RALYL: variants seen among roughly 807,000 people sequenced by gnomAD.
The protein encoded by RALYL is RNA-binding Raly-like protein.
Under a neutral mutation model 35.1 loss-of-function variants are expected in RALYL, and 29 were observed. The ratio of observed to expected loss-of-function variants is 0.83; its 90% confidence interval spans 0.61 to 1.13. RALYL has a LOEUF of 1.13. RALYL is among the 50% of genes most tolerant of loss of function. The pLI is 0.00. For synonymous variants in RALYL, 120 were observed against 127.6 expected (o/e 0.94, Z 0.40); for missense variants, 359 against 360.4 (o/e 1.00, Z 0.03).
At chr8:84,326,523 G>A (rs1345982257) in intron 1 of RALYL, among the ~76,000 whole-genome samples, 1 of 152,118 alleles carries the variant, frequency 6.6e-6, no homozygotes, top group South Asian at 2.1e-4. Flanking sequence ...CTTAGTTGAT[G>A]CCTCAAACAT....
intron 4 of RALYL, among the ~76,000 whole-genome samples, chr8:84,848,861 C>T (rs1835229787): frequency 6.6e-6 from 1 of 152,058 alleles, no homozygotes; most frequent in Non-Finnish European, 1.5e-5. Context: ...AATTACTCCC[C>T]TGTGGTACAG....
At chr8:84,296,623 ATTTTTTTT>A (rs397891420) in intron 1 of RALYL, among the ~76,000 whole-genome samples, 154 of 76,676 alleles carry the variant, frequency 2.0e-3, no homozygotes, top group African/African-American at 5.7e-3. Flanking sequence ...TCTCTCTTGC[ATTTTTTTT>A]TTTTTTTTTT....
intron 1 of RALYL, among the ~76,000 whole-genome samples, chr8:84,497,805 C>T (rs190460457): frequency 4.2e-4 from 63 of 151,580 alleles, no homozygotes; most frequent in African/African-American, 1.4e-3. Flanking sequence ...CCACAGCCAG[C>T]TAATTTTTTG....
rs566447641 is a variant in RALYL at position 84,192,105 on chromosome 8, G to A, written c.-24+7681G>A. ...AACCTGACACTATGAGCCTCCTGAC[G>A]AGATGCCATATAAAGGCTATAGTGC... On this transcript the variant is annotated intron_variant, in intron 1 of 8. Transcript: ENST00000521268. Among the ~76,000 whole-genome samples, 20 of 152,282 alleles carry A rather than the reference G, an allele frequency of 1.3e-4. No individual in the cohort carries two copies. The East Asian group carries it at 3.5e-3, about 26-fold the overall frequency.
intron 1 of RALYL, among the ~76,000 whole-genome samples, chr8:84,321,607 C>G (rs755957629): frequency 2.6e-5 from 4 of 152,034 alleles, no homozygotes; most frequent in Admixed American, 2.0e-4. Context: ...ATTTCCCCCA[C>G]GACAGCCCAC....
At chr8:84,396,954 C>A (rs185373378) in intron 1 of RALYL, among the ~76,000 whole-genome samples, 329 of 151,854 alleles carry the variant, frequency 2.2e-3, no homozygotes, top group African/African-American at 7.7e-3. Context: ...CTTCCTAATC[C>A]CCAGAACTTG....
chr8:84,379,096 G>A (rs1857454023), intron 1 of RALYL, among the ~76,000 whole-genome samples: 1 of 151,840 alleles, frequency 6.6e-6, no homozygotes, highest in African/African-American at 2.4e-5. Flanking sequence ...ATTTAGATCA[G>A]GCTTCAGCCT....
intron 1 of RALYL, among the ~76,000 whole-genome samples, chr8:84,197,554 C>T (rs1209459902): frequency 6.6e-6 from 1 of 152,052 alleles, no homozygotes; most frequent in Admixed American, 6.6e-5. Flanking sequence ...AGGTGTTGTC[C>T]TCCAAACCAT....
At chr8:84,776,701 T>C (rs1390771424) in intron 3 of RALYL, among the ~76,000 whole-genome samples, 1 of 152,200 alleles carries the variant, frequency 6.6e-6, no homozygotes, top group Non-Finnish European at 1.5e-5. Flanking sequence ...TGTGCAATGA[T>C]GTTAATTTTC....
In RALYL at chr8:84,338,782, T is replaced by G. The variant is rs143712505; in HGVS notation, c.-24+154358T>G. Among the ~76,000 whole-genome samples the G allele has an allele frequency of 6.1e-3, 926 of 152,214 alleles. 6 individuals are homozygous for G. The highest frequency in any genetic ancestry group is 0.032 in the South Asian group (155 of 4,822). On this transcript the variant is annotated intron_variant, in intron 1 of 8. Coordinates refer to ENST00000521268, the MANE Select transcript of RALYL (RefSeq NM_173848.7). ...ATCCATATTTTAATGTAAATTACACTGATAATAATTTAGAATACCACTAAT... is the reference window on the plus strand; with the variant it reads ...ATCCATATTTTAATGTAAATTACACGGATAATAATTTAGAATACCACTAAT...
chr8:84,488,220 G>A (rs1040679561), intron 1 of RALYL, among the ~76,000 whole-genome samples: 1 of 152,000 alleles, frequency 6.6e-6, no homozygotes, highest in Non-Finnish European at 1.5e-5. Context: ...AGTTGTATGA[G>A]CAGCTTCACC....
intron 1 of RALYL, among the ~76,000 whole-genome samples, chr8:84,374,332 T>G (rs1488761443): frequency 6.6e-6 from 1 of 151,982 alleles, no homozygotes; most frequent in African/African-American, 2.4e-5. Flanking sequence ...GGTATGATAT[T>G]GTCTGTGAGT....
At chr8:84,557,330 T>C (rs2061193010) in intron 2 of RALYL, among the ~76,000 whole-genome samples, 1 of 152,188 alleles carries the variant, frequency 6.6e-6, no homozygotes, top group South Asian at 2.1e-4. Flanking sequence ...GTGCATATGT[T>C]TGTCAAAGTA....
chr8:84,528,035 A>G (rs1359067889), intron 1 of RALYL, among the ~76,000 whole-genome samples: 1 of 152,182 alleles, frequency 6.6e-6, no homozygotes, highest in Non-Finnish European at 1.5e-5. Context: ...ATTTTCAAGC[A>G]TATCCAATTT....
At chr8:84,645,690 C>T (rs1280056969) in intron 2 of RALYL, among the ~76,000 whole-genome samples, 1 of 152,080 alleles carries the variant, frequency 6.6e-6, no homozygotes, top group African/African-American at 2.4e-5. Context: ...TGAAGCTCAT[C>T]CTCTAGCAGA....
chr8:84,532,106 A>G (rs2059314424), intron 2 of RALYL, among the ~76,000 whole-genome samples: 1 of 152,026 alleles, frequency 6.6e-6, no homozygotes, highest in Non-Finnish European at 1.5e-5. Context: ...CTTTAGTTCA[A>G]ATCTCGTCTT....
intron 4 of RALYL, among the ~76,000 whole-genome samples, chr8:84,837,041 C>T (rs1832161741): frequency 6.6e-6 from 1 of 152,178 alleles, no homozygotes; most frequent in African/African-American, 2.4e-5. Flanking sequence ...TTTGCAAGGT[C>T]CAGTTCAAAT....
chr8:84,774,920 G>A (rs937881776), intron 3 of RALYL, among the ~76,000 whole-genome samples: 1 of 151,940 alleles, frequency 6.6e-6, no homozygotes, highest in African/African-American at 2.4e-5. Context: ...TGACAAGTAG[G>A]TGGAAAGGCC....
intron 2 of RALYL, among the ~76,000 whole-genome samples, chr8:84,716,005 A>C (rs1038254703): frequency 1.3e-5 from 2 of 152,102 alleles, no homozygotes; most frequent in African/African-American, 4.8e-5. Flanking sequence ...TATTTTTGTA[A>C]TGTTCCATGC....
Sources: allele counts gnomAD v4.1 joint callset (sites outside exome capture counted in the v4.1 genomes callset), GRCh38; gene constraint gnomAD v4.1.1; transcripts MANE v1.5; gene names NCBI Gene and HGNC (gene_info 2026-07-23, HGNC 2026-07-21).